PARD3B: variants seen among roughly 807,000 people sequenced by gnomAD.
The protein encoded by PARD3B is partitioning defective 3 homolog B.
PARD3B carries 103 observed loss-of-function variants against 130.2 expected under a neutral mutation model. That is an observed-to-expected ratio of 0.79 (90% CI 0.67 to 0.93). The LOEUF is 0.93. PARD3B is among the 40% of genes least tolerant of loss of function. PARD3B has a pLI of 0.00. For synonymous variants in PARD3B, 583 were observed against 553.2 expected (o/e 1.05, Z -0.76); for missense variants, 1,609 against 1,499.2 (o/e 1.07, Z -1.21).
At chr2:205,422,920 A>G (rs1204569327) in intron 19 of PARD3B, among the ~76,000 whole-genome samples, 3 of 152,186 alleles carry the variant, frequency 2.0e-5, no homozygotes, top group Non-Finnish European at 4.4e-5. Flanking sequence ...GCCTATCCTA[A>G]CAAATGAAAC....
intron 21 of PARD3B, among the ~76,000 whole-genome samples, chr2:205,522,375 TTTTA>T (rs1329876996): frequency 2.0e-5 from 3 of 150,818 alleles, no homozygotes; most frequent in Non-Finnish European, 2.9e-5. Flanking sequence ...GAATTAGGTT[TTTTA>T]TTTAAGTTTT....
At chr2:205,161,997 G>T (rs573077012) in intron 11 of PARD3B, among the ~76,000 whole-genome samples, 11 of 152,202 alleles carry the variant, frequency 7.2e-5, no homozygotes, top group Non-Finnish European at 1.5e-4. Context: ...TGAATACCTC[G>T]ACTCTAATTG....
intron 1 of PARD3B, among the ~76,000 whole-genome samples, chr2:204,618,901 C>T (rs935973213): frequency 1.3e-5 from 2 of 151,984 alleles, no homozygotes; most frequent in South Asian, 2.1e-4. Context: ...TATGATTTTT[C>T]TATCTTATTT....
intron 1 of PARD3B, among the ~76,000 whole-genome samples, chr2:204,611,700 C>G (rs180682527): frequency 1.3e-5 from 2 of 152,114 alleles, no homozygotes; most frequent in Non-Finnish European, 2.9e-5. Context: ...AATGTTCTTA[C>G]TATATACATG....
intron 4 of PARD3B, among the ~76,000 whole-genome samples, chr2:205,061,821 G>C (rs576287037): frequency 5.7e-4 from 86 of 151,554 alleles, no homozygotes; most frequent in African/African-American, 2.0e-3. Context: ...TTCCTCCAAA[G>C]GCAAGTTCTT....
intron 2 of PARD3B, among the ~76,000 whole-genome samples, chr2:204,909,841 A>G (rs1459506921): frequency 6.6e-6 from 1 of 152,174 alleles, no homozygotes; most frequent in Non-Finnish European, 1.5e-5. Context: ...CATAATTAAT[A>G]CAATATTTCC....
intron 1 of PARD3B, among the ~76,000 whole-genome samples, chr2:204,656,161 G>A (rs2035632415): frequency 6.6e-6 from 1 of 152,106 alleles, no homozygotes; most frequent in African/African-American, 2.4e-5. Context: ...CATTCAGAGG[G>A]AATGGAAATA....
At chr2:205,298,931 A>G (rs1257170950) in intron 16 of PARD3B, among the ~76,000 whole-genome samples, 2 of 152,258 alleles carry the variant, frequency 1.3e-5, no homozygotes, top group East Asian at 3.9e-4. Flanking sequence ...AACTTTAGAC[A>G]AGTTATGTCA....
intron 18 of PARD3B, among the ~76,000 whole-genome samples, chr2:205,307,669 G>A (rs2042233337): frequency 6.6e-6 from 1 of 152,082 alleles, no homozygotes; most frequent in Non-Finnish European, 1.5e-5. Context: ...AATATCCTTT[G>A]ACAAAGAAAA....
intron 2 of PARD3B, among the ~76,000 whole-genome samples, chr2:204,711,334 AT>A (rs1345440650): frequency 2.6e-5 from 4 of 152,086 alleles, no homozygotes; most frequent in African/African-American, 9.7e-5. Context: ...CTCTAGATTG[AT>A]TTTTATTGCC....
rs1011980513 is a variant in PARD3B, at chr2:204,648,114, A to G, written c.121-38067A>G. On this transcript the variant is annotated intron_variant, in intron 1 of 22. Transcript: ENST00000406610. ...GAGTTATTTTTGAGGTTATGCAAGT[A>G]TTTAGAAAGTACTGCTGCTTCTCAA... Among the ~76,000 whole-genome samples, 60 of 151,862 alleles carry G rather than the reference A, an allele frequency of 4.0e-4. 1 individual carries two copies. Among genetic ancestry groups the G allele is most frequent in the African/African-American group, 1.4e-3 (60 of 41,542 alleles).
chr2:204,798,180 A>T (rs1042860905), intron 2 of PARD3B, among the ~76,000 whole-genome samples: 6 of 152,104 alleles, frequency 3.9e-5, no homozygotes, highest in African/African-American at 1.2e-4. Flanking sequence ...TGCCCACACC[A>T]CTACTCCCTC....
chr2:205,406,910 C>A (rs1366387693), intron 19 of PARD3B, among the ~76,000 whole-genome samples: 2 of 152,034 alleles, frequency 1.3e-5, no homozygotes, highest in African/African-American at 4.8e-5. Context: ...AAATTGTGAT[C>A]CACCTGCCTT....
At chr2:205,385,270 A>G (rs1399457702) in intron 18 of PARD3B, among the ~76,000 whole-genome samples, 1 of 152,072 alleles carries the variant, frequency 6.6e-6, no homozygotes, top group African/African-American at 2.4e-5. Flanking sequence ...TTTCTTTCCT[A>G]AATCCCTGTA....
chr2:205,266,037 G>T (rs2040490807), intron 16 of PARD3B, among the ~76,000 whole-genome samples: 1 of 152,034 alleles, frequency 6.6e-6, no homozygotes, highest in Non-Finnish European at 1.5e-5. Flanking sequence ...CTTACGCTAA[G>T]ATTATATCAC....
intron 21 of PARD3B, among the ~76,000 whole-genome samples, chr2:205,552,138 G>A (rs1030368167): frequency 6.6e-6 from 1 of 152,178 alleles, no homozygotes; most frequent in Admixed American, 6.5e-5. Flanking sequence ...ACCTACTGGG[G>A]CCAGTCACTG....
At chr2:204,766,809 A>C (rs1206424581) in intron 2 of PARD3B, among the ~76,000 whole-genome samples, 1 of 32,272 alleles carries the variant, frequency 3.1e-5, no homozygotes, top group Non-Finnish European at 1.9e-4. Flanking sequence ...TTGTAAATCA[A>C]AAAAAAAAAA....
intron 2 of PARD3B, among the ~76,000 whole-genome samples, chr2:204,954,791 A>G (rs2125832522): frequency 6.6e-6 from 1 of 152,344 alleles, no homozygotes; most frequent in South Asian, 2.1e-4. Context: ...AGATATTCAT[A>G]CAGCTCAAGT....
At chr2:204,788,964 C>T (rs140262340) in intron 2 of PARD3B, among the ~76,000 whole-genome samples, 157 of 152,184 alleles carry the variant, frequency 1.0e-3, no homozygotes, top group African/African-American at 3.4e-3. Context: ...GAACTTTAGA[C>T]GAATTTGTCA....
Sources: allele counts gnomAD v4.1 joint callset (sites outside exome capture counted in the v4.1 genomes callset), GRCh38; gene constraint gnomAD v4.1.1; transcripts MANE v1.5; gene names NCBI Gene and HGNC (gene_info 2026-07-23, HGNC 2026-07-21).